OR52N5: variants seen among roughly 807,000 people sequenced by gnomAD.
OR52N5 encodes the protein olfactory receptor 52N5.
A neutral mutation model predicts 14.1 loss-of-function variants in OR52N5; 10 were observed. The observed-to-expected ratio is 0.71, with a 90% CI of 0.44 to 1.20. The LOEUF is 1.20. Among genes scored for constraint, OR52N5 ranks in the 50% most tolerant of loss-of-function variants. The pLI, the probability that OR52N5 is intolerant of heterozygous loss-of-function variation, is 0.00. For synonymous variants in OR52N5, 116 were observed against 143.0 expected (o/e 0.81, Z 1.35); for missense variants, 361 against 403.2 (o/e 0.90, Z 0.90).
chr11:5,781,264 T>C (rs1176973256), intron 2 of OR52N5, among the ~76,000 whole-genome samples: 1 of 140,304 alleles, frequency 7.1e-6, no homozygotes, highest in Admixed American at 7.4e-5. Flanking sequence ...TGAGGCTTCA[T>C]GTTTCTAGCA....
At position 5,777,856 on chromosome 11, in the gene OR52N5, G is replaced by T. The variant is rs1340238009; in HGVS notation, c.779C>A (p.Thr260Asn). 6.6e-7 allele frequency: 1 copy of T among 1,519,810 alleles called. No individual in the cohort carries two copies. Among genetic ancestry groups the T allele is most frequent in the Non-Finnish European group, 9.0e-7 (1 of 1,113,402 alleles). The allele number at this position is 1,519,810 out of a possible 1,614,324, so 94.1% of individuals were successfully genotyped here. A position where few individuals can be genotyped will look rare whatever the true frequency, so the allele number is the denominator to read the frequency against. ...GAAAGTGAAGAATGCTGGAACATAG[G>T]TGATGATGATGGCAGATATATGGGC... is the stretch of plus-strand genomic sequence containing the variant. ...CTAHISAIII[T>N]YVPAFFTFFA... Residue 260 changes from threonine (T) to asparagine (N), a missense_variant, in exon 3 of 3, where the codon ACC becomes AAC. Physicochemically the swap from Thr to Asn is moderately conservative, Grantham distance 65. Coordinates refer to ENST00000641181, the MANE Select transcript of OR52N5 (RefSeq NM_001385662.1).
intron 2 of OR52N5, among the ~76,000 whole-genome samples, chr11:5,779,962 T>C (rs986443028): frequency 7.1e-6 from 1 of 140,070 alleles, no homozygotes; most frequent in African/African-American, 2.6e-5. Flanking sequence ...AAAAAAACTT[T>C]TAAATCAGAA....
At position 5,781,234 on chromosome 11, in the gene OR52N5, T is replaced by C. The variant is rs935294186; in HGVS notation, c.-24+299A>G. 6.4e-5 allele frequency among the ~76,000 whole-genome samples: 9 copies of C among 140,262 alleles called. 2 individuals carry two copies. In the South Asian group the frequency reaches 7.0e-4, roughly 11 times the overall value. The allele number at this position is 140,262 out of a possible 152,430, so 92.0% of individuals were successfully genotyped here. ...ATTTTGTATTTGTTTTCCTATTTCT[T>C]TGTTTTCCCTGTAGCAAGATGAGGC... is the stretch of plus-strand genomic sequence containing the variant. On this transcript the variant is annotated intron_variant, in intron 2 of 2. Transcript: ENST00000641181.
chr11:5,778,624 A>T lies in OR52N5; in HGVS notation c.11T>A (p.Phe4Tyr), dbSNP rs142054140. Reference protein sequence around the residue: MPLFNSLCWFPTIH... With the variant: MPLYNSLCWFPTIH... ...TGTTGGAAACCAGCATAATGAATTA[A>T]ATAGAGGCATTCTATTTTTCCAGAA... The change falls in exon 3 of 3, where the codon TTT (phenylalanine) becomes TAT (tyrosine). Residue 4 changes from phenylalanine to tyrosine, a missense_variant. By Grantham distance (22) the Phe-to-Tyr change is conservative (BLOSUM62 3). Coordinates refer to ENST00000641181, the MANE Select transcript of OR52N5 (RefSeq NM_001385662.1). 3.5e-6 allele frequency: 5 copies of T among 1,423,872 alleles called. No homozygotes were observed. The African/African-American group carries it at 6.0e-5, about 17-fold the overall frequency. The allele number at this position is 1,423,872 out of a possible 1,614,324, so 88.2% of individuals were successfully genotyped here.
intron 1 of OR52N5, among the ~76,000 whole-genome samples, chr11:5,781,982 C>T (rs1854551374): frequency 7.1e-6 from 1 of 140,198 alleles, no homozygotes; most frequent in African/African-American, 2.6e-5. Context: ...GGCATCTGAA[C>T]GACCTATCCT....
rs190232737 is a variant in OR52N5, at chr11:5,777,496, C to T, written c.*164G>A. ...ATTAAGGGAAAGGCACTGAGATATA[C>T]ATCCAGAATGGGCTATAAATTTCCC... On this transcript the variant is annotated 3_prime_UTR_variant, in exon 3 of 3. Coordinates refer to ENST00000641181, the MANE Select transcript of OR52N5 (RefSeq NM_001385662.1). The T allele has an allele frequency of 3.5e-3, 1,671 of 481,000 alleles. 180 individuals are homozygous for T. Among genetic ancestry groups the T allele is most frequent in the Middle Eastern group, 4.4e-3 (7 of 1,590 alleles). 29.8% of individuals were successfully genotyped at this position (481,000 alleles called of 1,614,324 possible).
rs1854494246 is a variant in OR52N5, at chr11:5,776,419, A to G, written c.*1241T>C. The G allele has an allele frequency of 7.1e-6, 1 of 140,252 alleles. No individual in the cohort carries two copies. Among genetic ancestry groups the G allele is most frequent in the Non-Finnish European group, 1.6e-5 (1 of 63,350 alleles). 8.7% of individuals were successfully genotyped at this position (140,252 alleles called of 1,614,324 possible). Reference sequence around the variant, plus strand: ...GGTGTACGCAAGCCTTGAGGTAAATAAGACTTGTCTGTCCATTCTAATATA... The same window carrying G: ...GGTGTACGCAAGCCTTGAGGTAAATGAGACTTGTCTGTCCATTCTAATATA... On this transcript the variant is annotated 3_prime_UTR_variant, in exon 3 of 3. Coordinates refer to ENST00000641181, the MANE Select transcript of OR52N5 (RefSeq NM_001385662.1).
chr11:5,779,290 G>T lies in OR52N5; in HGVS notation c.-23-633C>A, dbSNP rs950688487. The stretch of plus-strand genomic sequence containing the variant: ...TAATCAGAAATTTATTTACTCTTAG[G>T]TTAATATTCTGATGGATTAGATATG... On this transcript the variant is annotated intron_variant, in intron 2 of 2. Coordinates refer to ENST00000641181, the MANE Select transcript of OR52N5 (RefSeq NM_001385662.1). Among the ~76,000 whole-genome samples, 81 of 139,622 alleles carry T rather than the reference G, an allele frequency of 5.8e-4. 13 individuals are homozygous for T. Among genetic ancestry groups the T allele is most frequent in the African/African-American group, 2.1e-3 (80 of 38,236 alleles). The allele number at this position is 139,622 out of a possible 152,430, so 91.6% of individuals were successfully genotyped here.
Position 5,778,019 on chromosome 11 carries a change from T to C in OR52N5, c.616A>G (p.Ile206Val). 3.9e-6 allele frequency: 6 copies of C among 1,521,226 alleles called. 2 individuals are homozygous for C. Among genetic ancestry groups the C allele is most frequent in the Non-Finnish European group, 5.4e-6 (6 of 1,114,248 alleles). The allele number at this position is 1,521,226 out of a possible 1,614,324, so 94.2% of individuals were successfully genotyped here. A position where few individuals can be genotyped will look rare whatever the true frequency, so the allele number is the denominator to read the frequency against. The change falls in exon 3 of 3, where the codon ATC (isoleucine) becomes GTC (valine). Residue 206 changes from isoleucine to valine, a missense_variant. Transcript: ENST00000641181. ...LSCASIKVNV[I>V]YGLMVALLIG... ...AGGAGAGCAACCATTAGACCATAGA[T>C]TACATTGACCTTGATGCTGGCACAA...
chr11:5,778,491 C>G lies in OR52N5; in HGVS notation c.144G>C (p.Val48=). ...TGAGGTACACAAGACCAAGATTCCC[C>G]ACAAGGAAGATGATGTACATTGTGC... ...PLCTMYIIFL[V]GNLGLVYLIY... is the part of the protein sequence containing the mutation. Residue 48 remains valine, a synonymous_variant, in exon 3 of 3, where the codon GTG becomes GTC. Coordinates refer to ENST00000641181, the MANE Select transcript of OR52N5 (RefSeq NM_001385662.1). The G allele has an allele frequency of 2.6e-6, 4 of 1,518,172 alleles. 1 individual carries two copies. The highest frequency in any genetic ancestry group is 3.6e-6 in the Non-Finnish European group (4 of 1,112,312). 94.0% of individuals were successfully genotyped at this position (1,518,172 alleles called of 1,614,324 possible).
At chr11:5,779,727 TTG>T (rs1854533988) in intron 2 of OR52N5, among the ~76,000 whole-genome samples, 1 of 139,756 alleles carries the variant, frequency 7.2e-6, no homozygotes, top group Admixed American at 7.4e-5. Flanking sequence ...ACTACACTTA[TTG>T]CTTTAATCTC....
rs1854535348 is a variant in OR52N5 at position 5,779,878 on chromosome 11, C to T, written c.-23-1221G>A. On this transcript the variant is annotated intron_variant, in intron 2 of 2. Transcript: ENST00000641181. ...CCTCATCTTGGATATAATTCATTTACAGCTCAAAGGGTCCAAATTGTTACT... is the reference window on the plus strand; with the variant it reads ...CCTCATCTTGGATATAATTCATTTATAGCTCAAAGGGTCCAAATTGTTACT... 1.4e-5 allele frequency among the ~76,000 whole-genome samples: 2 copies of T among 138,976 alleles called. 1 individual carries two copies. The highest frequency in any genetic ancestry group is 4.7e-4 in the South Asian group (2 of 4,252). 91.2% of individuals were successfully genotyped at this position (138,976 alleles called of 152,430 possible). A position where few individuals can be genotyped will look rare whatever the true frequency, so the allele number is the denominator to read the frequency against.
In OR52N5 at chr11:5,778,431, A is replaced by G. The variant is rs751687089; in HGVS notation, c.204T>C (p.Tyr68=). ...GGGAGAGAGCATGGCCAAAAAAAAA[A>G]TACATCGGATGATGTAAGGACTCCT... ...YYEESLHHPM[Y]FFFGHALSLI... The change falls in exon 3 of 3, where the codon TAT becomes TAC. Residue 68 remains tyrosine, a synonymous_variant. Coordinates refer to ENST00000641181, the MANE Select transcript of OR52N5 (RefSeq NM_001385662.1). The G allele has an allele frequency of 2.6e-6, 4 of 1,514,216 alleles. 1 individual carries two copies. In the South Asian group the frequency reaches 3.5e-5, roughly 13 times the overall value. The allele number at this position is 1,514,216 out of a possible 1,614,324, so 93.8% of individuals were successfully genotyped here.
In OR52N5 at chr11:5,780,991, C is replaced by A. The variant is rs975590392; in HGVS notation, c.-24+542G>T. On this transcript the variant is annotated intron_variant, in intron 2 of 2. Transcript: ENST00000641181. ...TGAAGAAGACTGTGGTTTCCAGAGTCCAGAATGAGCTATTGCCGTTAAACA... is the reference window on the plus strand; with the variant it reads ...TGAAGAAGACTGTGGTTTCCAGAGTACAGAATGAGCTATTGCCGTTAAACA... Among the ~76,000 whole-genome samples the A allele has an allele frequency of 5.7e-5, 8 of 140,024 alleles. 1 individual carries two copies. The highest frequency in any genetic ancestry group is 1.1e-4 in the Non-Finnish European group (7 of 63,272). 91.9% of individuals were successfully genotyped at this position (140,024 alleles called of 152,430 possible).
chr11:5,777,072 GA>G lies in OR52N5; in HGVS notation c.*587del, dbSNP rs935649029. The G allele has an allele frequency of 2.9e-5, 4 of 139,382 alleles. No individual in the cohort carries two copies. Among genetic ancestry groups the G allele is most frequent in the African/African-American group, 1.0e-4 (4 of 38,100 alleles). 8.6% of individuals were successfully genotyped at this position (139,382 alleles called of 1,614,324 possible). On this transcript the variant is annotated 3_prime_UTR_variant, in exon 3 of 3. Coordinates refer to ENST00000641181, the MANE Select transcript of OR52N5 (RefSeq NM_001385662.1). ...AGACATAGTGTTCAATAGTACAGTG[GA>G]TAACTGTAGTTAACAATAATTTATT...
chr11:5,783,216 T>A (rs4539354), intron 1 of OR52N5, 79 bp downstream of exon 1: 82,190 of 137,992 alleles, frequency 0.6, 31,683 homozygotes, highest in Non-Finnish European at 0.73. Flanking sequence ...GTGTCTTTGA[T>A]CCTTATGATG....
intron 2 of OR52N5, among the ~76,000 whole-genome samples, chr11:5,779,416 G>T (rs1333942168): frequency 7.1e-6 from 1 of 139,878 alleles, no homozygotes; most frequent in East Asian, 2.1e-4. Context: ...GAAGGAAGAA[G>T]AAAGAAACCT....
intron 2 of OR52N5, among the ~76,000 whole-genome samples, chr11:5,779,799 A>G (rs1437381978): frequency 7.2e-6 from 1 of 139,396 alleles, no homozygotes; most frequent in Non-Finnish European, 1.6e-5. Context: ...TGGTGTCATT[A>G]TCTACTACAA....
chr11:5,778,300 A>G lies in OR52N5; in HGVS notation c.335T>C (p.Phe112Ser), dbSNP rs753707683. Residue 112 changes from phenylalanine to serine, a missense_variant, in exon 3 of 3, where the codon TTT becomes TCT. Phe to Ser is a radical substitution (Grantham distance 155). Coordinates refer to ENST00000641181, the MANE Select transcript of OR52N5 (RefSeq NM_001385662.1). ...NFNACLAQMF[F>S]VHGFTGVESG... ...CTCCACACCTGTGAACCCATGAACA[A>G]AGAACATCTGGGCCAAGCAAGCATT... 8.5e-6 allele frequency: 13 copies of G among 1,521,268 alleles called. 2 individuals carry two copies. In the African/African-American group the frequency reaches 1.9e-4, roughly 22 times the overall value. The allele number at this position is 1,521,268 out of a possible 1,614,324, so 94.2% of individuals were successfully genotyped here.
Sources: allele counts gnomAD v4.1 joint callset (sites outside exome capture counted in the v4.1 genomes callset), GRCh38; gene constraint gnomAD v4.1.1; transcripts MANE v1.5; gene names NCBI Gene and HGNC (gene_info 2026-07-23, HGNC 2026-07-21).